VPS13D: variants seen among roughly 807,000 people sequenced by gnomAD.
VPS13D encodes intermembrane lipid transfer protein VPS13D.
VPS13D carries 187 observed loss-of-function variants against 461.9 expected under a neutral mutation model. The observed-to-expected ratio is 0.40, with a 90% CI of 0.36 to 0.46. The LOEUF is 0.46. VPS13D is among the 20% of genes least tolerant of loss of function. The pLI is 0.60. For missense variants in VPS13D, 4,711 were observed against 5,364.9 expected (o/e 0.88, Z 3.81); for synonymous variants, 1,951 against 1,986.3 (o/e 0.98, Z 0.47).
intron 56 of VPS13D, among the ~76,000 whole-genome samples, chr1:12,379,173 T>A (rs1438658946): frequency 1.3e-5 from 2 of 152,248 alleles, no homozygotes; most frequent in Non-Finnish European, 2.9e-5. Flanking sequence ...ATTTTACATG[T>A]ATTTAGCAGC....
At chr1:12,237,143 G>A (rs909369685) in intron 2 of VPS13D, among the ~76,000 whole-genome samples, 2 of 149,706 alleles carry the variant, frequency 1.3e-5, no homozygotes, top group Non-Finnish European at 2.9e-5. Flanking sequence ...ATATATGTGT[G>A]TGTGTATATA....
intron 65 of VPS13D, among the ~76,000 whole-genome samples, chr1:12,420,153 T>A (rs191257797): frequency 3.6e-4 from 55 of 152,354 alleles, no homozygotes; most frequent in African/African-American, 1.2e-3. Context: ...CCACTTCTTA[T>A]AGGAAATGGT....
intron 60 of VPS13D, among the ~76,000 whole-genome samples, chr1:12,386,543 A>T (rs574796410): frequency 2.6e-5 from 4 of 152,302 alleles, no homozygotes; most frequent in Admixed American, 2.0e-4. Flanking sequence ...ATTAGAGGTA[A>T]CTCAGTCAGG....
At chr1:12,310,505 CA>C (rs1450552427) in intron 27 of VPS13D, among the ~76,000 whole-genome samples, 2 of 152,152 alleles carry the variant, frequency 1.3e-5, no homozygotes, top group Non-Finnish European at 2.9e-5. Context: ...TCCCCCTCTT[CA>C]ACTTTACTTC....
At chr1:12,359,021 C>T (rs956800236) in intron 50 of VPS13D, among the ~76,000 whole-genome samples, 5 of 152,226 alleles carry the variant, frequency 3.3e-5, no homozygotes, top group South Asian at 2.1e-4. Context: ...GGTTAAGTGA[C>T]CTGCCTAGAT....
intron 60 of VPS13D, among the ~76,000 whole-genome samples, chr1:12,398,361 TTC>T (rs1448087133): frequency 6.6e-6 from 1 of 151,994 alleles, no homozygotes; most frequent in Non-Finnish European, 1.5e-5. Flanking sequence ...TAACTTTTTT[TTC>T]TTTTTTTTTT....
At chr1:12,468,484 A>G (rs1483925153) in intron 67 of VPS13D, among the ~76,000 whole-genome samples, 3 of 152,202 alleles carry the variant, frequency 2.0e-5, no homozygotes, top group African/African-American at 7.2e-5. Context: ...TAATTCTGAG[A>G]TACACACAGG....
At chr1:12,413,165 G>A (rs1644750467) in intron 63 of VPS13D, among the ~76,000 whole-genome samples, 1 of 151,776 alleles carries the variant, frequency 6.6e-6, no homozygotes, top group South Asian at 2.1e-4. Flanking sequence ...TTTTCTGGGT[G>A]TTTTTTTGTT....
intron 13 of VPS13D, among the ~76,000 whole-genome samples, chr1:12,264,475 G>A (rs1028221922): frequency 2.6e-5 from 4 of 152,218 alleles, no homozygotes; most frequent in African/African-American, 9.6e-5. Flanking sequence ...CTACTTCAGC[G>A]AACACATGAA....
At chr1:12,295,516 C>T (rs928271570) in intron 24 of VPS13D, among the ~76,000 whole-genome samples, 3 of 152,062 alleles carry the variant, frequency 2.0e-5, no homozygotes, top group Non-Finnish European at 2.9e-5. Flanking sequence ...GTAGCATAAT[C>T]AAATGATAGA....
At chr1:12,256,950 T>G in intron 8 of VPS13D, 37 bp from the exon 9 acceptor site, 1 of 1,603,034 alleles carries the variant, frequency 6.2e-7, no homozygotes, top group Non-Finnish European at 8.5e-7. Context: ...GAAACAAACC[T>G]ATTCTAACCT....
rs528349532 is a variant in VPS13D at position 12,311,702 on chromosome 1, T to G, written c.6822+77T>G. On this transcript the variant is annotated intron_variant, in intron 28 of 69. Coordinates refer to ENST00000620676, the MANE Select transcript of VPS13D (RefSeq NM_015378.4). Reference sequence around the variant, plus strand: ...CACCCTGTGTATCTATTCCTCAAACTCACTTGGAGAAAGAAGGTGGAGCAA... The same window carrying G: ...CACCCTGTGTATCTATTCCTCAAACGCACTTGGAGAAAGAAGGTGGAGCAA... 10 of 1,587,678 alleles carry G rather than the reference T, an allele frequency of 6.3e-6. No homozygotes were observed. In the East Asian group the frequency reaches 2.2e-4, roughly 36 times the overall value.
intron 67 of VPS13D, among the ~76,000 whole-genome samples, chr1:12,475,904 AAAAAC>A (rs1645625612): frequency 6.6e-6 from 1 of 152,224 alleles, no homozygotes; most frequent in Middle Eastern, 3.2e-3. Flanking sequence ...AAAAAAAACA[AAAAAC>A]AAAAAAACAC....
chr1:12,460,404 G>A lies in VPS13D; in HGVS notation c.12662+8G>A. 6.4e-7 allele frequency: 1 copy of A among 1,561,358 alleles called. No homozygotes were observed. The highest frequency in any genetic ancestry group is 8.7e-7 in the Non-Finnish European group (1 of 1,153,424). On this transcript the variant is annotated splice_region_variant and intron_variant, in intron 67 of 69. Transcript: ENST00000620676. The stretch of plus-strand genomic sequence containing the variant: ...CACACTCAGCGGCCCCAGGTCAGTG[G>A]TGTGGGAAGAATGGCTTTTGCAGTT...
intron 59 of VPS13D, 64 bp downstream of exon 59, chr1:12,385,437 G>T: frequency 7.6e-7 from 1 of 1,310,698 alleles, no homozygotes; most frequent in South Asian, 1.3e-5. Context: ...TTACTTGGTG[G>T]TATTTTAGAC....
intron 43 of VPS13D, among the ~76,000 whole-genome samples, chr1:12,345,811 T>C (rs1643663235): frequency 1.3e-5 from 2 of 152,258 alleles, no homozygotes. Flanking sequence ...CTTGTTTTTA[T>C]TTCACATATT....
chr1:12,295,978 T>C (rs1426917808), intron 24 of VPS13D, among the ~76,000 whole-genome samples: 2 of 152,242 alleles, frequency 1.3e-5, no homozygotes, highest in African/African-American at 4.8e-5. Context: ...CTTGACTTGC[T>C]TTTCCCCCCA....
intron 54 of VPS13D, 54 bp downstream of exon 54, chr1:12,369,756 C>G (rs953608983): frequency 1.9e-6 from 3 of 1,541,750 alleles, no homozygotes; most frequent in Admixed American, 1.8e-5. Flanking sequence ...TAATTATTAA[C>G]AGGTTTTAAA....
intron 24 of VPS13D, among the ~76,000 whole-genome samples, chr1:12,295,079 G>T (rs927543906): frequency 0.012 from 1,637 of 134,934 alleles, 24 homozygotes; most frequent in African/African-American, 0.056. Flanking sequence ...GAAATTAGCC[G>T]GGTGTGGTGA....
Sources: allele counts gnomAD v4.1 joint callset (sites outside exome capture counted in the v4.1 genomes callset), GRCh38; gene constraint gnomAD v4.1.1; transcripts MANE v1.5; gene names NCBI Gene and HGNC (gene_info 2026-07-23, HGNC 2026-07-21).